Variants in CSMD3 observed in about 807,000 individuals in gnomAD.
The protein encoded by CSMD3 is CUB and sushi domain-containing protein 3.
Under a neutral mutation model 435.2 loss-of-function variants are expected in CSMD3, and 177 were observed. The observed-to-expected ratio is 0.41, with a 90% CI of 0.36 to 0.46. CSMD3 has a LOEUF of 0.46. Ranked by LOEUF, CSMD3 falls within the 20% of genes least tolerant of loss-of-function variation. The pLI is 0.34. For synonymous variants in CSMD3, 1,656 were observed against 1,520.5 expected (o/e 1.09, Z -2.07); for missense variants, 4,265 against 4,504.6 (o/e 0.95, Z 1.52).
At chr8:112,895,933 G>GT (rs2081938290) in intron 10 of CSMD3, among the ~76,000 whole-genome samples, 1 of 151,332 alleles carries the variant, frequency 6.6e-6, no homozygotes, top group Non-Finnish European at 1.5e-5. Context: ...TTGTTTGTTT[G>GT]TTTTTTCCAA....
intron 5 of CSMD3, among the ~76,000 whole-genome samples, chr8:113,068,208 C>T (rs1023044248): frequency 3.0e-4 from 45 of 152,138 alleles, no homozygotes; most frequent in Admixed American, 7.9e-4. Context: ...TTAGTGAATA[C>T]TACTGTGAAT....
At chr8:113,374,848 C>CAA (rs1491428482) in intron 1 of CSMD3, among the ~76,000 whole-genome samples, 78 of 64,622 alleles carry the variant, frequency 1.2e-3, no homozygotes, top group African/African-American at 3.7e-3. Flanking sequence ...AAAAAAAAAA[C>CAA]CAATAAAATG....
chr8:112,851,463 A>G (rs1427799609), intron 11 of CSMD3, among the ~76,000 whole-genome samples: 1 of 152,062 alleles, frequency 6.6e-6, no homozygotes, highest in Non-Finnish European at 1.5e-5. Context: ...ATACAAGGGA[A>G]TTGTGATATA....
chr8:112,591,254 A>G (rs1831166802), intron 22 of CSMD3, among the ~76,000 whole-genome samples: 1 of 152,128 alleles, frequency 6.6e-6, no homozygotes, highest in Admixed American at 6.5e-5. Context: ...CTCTTTGCTG[A>G]ATATGAAAAT....
rs942327162 is a variant in CSMD3 at position 113,131,248 on chromosome 8, A to C, written c.710-32285T>G. On this transcript the variant is annotated intron_variant, in intron 4 of 70. Transcript: ENST00000297405. ...GGAGTCAAATGTTAACAGTCAACAC[A>C]AGGGGGAAAATATCCCCAGGGCATT... Among the ~76,000 whole-genome samples, 3 of 152,118 alleles carry C rather than the reference A, an allele frequency of 2.0e-5. No individual in the cohort carries two copies. The East Asian group carries it at 5.8e-4, about 29-fold the overall frequency.
At chr8:112,760,943 A>C (rs2077823055) in intron 13 of CSMD3, among the ~76,000 whole-genome samples, 1 of 152,162 alleles carries the variant, frequency 6.6e-6, no homozygotes, top group African/African-American at 2.4e-5. Flanking sequence ...CCCTTGGAGA[A>C]GATGTGATTA....
intron 28 of CSMD3, among the ~76,000 whole-genome samples, chr8:112,515,619 T>C (rs745793732): frequency 2.9e-4 from 44 of 152,098 alleles, no homozygotes; most frequent in Non-Finnish European, 1.3e-4. Flanking sequence ...TGAATAGAAA[T>C]AGTGTAATGG....
intron 45 of CSMD3, among the ~76,000 whole-genome samples, chr8:112,332,644 C>G (rs1824177268): frequency 6.6e-6 from 1 of 152,126 alleles, no homozygotes; most frequent in African/African-American, 2.4e-5. Context: ...TCCCAAACTT[C>G]AAGTTTATTT....
At chr8:113,422,007 C>G (rs1317542099) in intron 1 of CSMD3, among the ~76,000 whole-genome samples, 1 of 152,186 alleles carries the variant, frequency 6.6e-6, no homozygotes, top group Non-Finnish European at 1.5e-5. Context: ...TCCCCAAGAG[C>G]TCAGAGGAAA....
At chr8:112,921,205 C>G (rs902085625) in intron 10 of CSMD3, among the ~76,000 whole-genome samples, 8 of 151,946 alleles carry the variant, frequency 5.3e-5, no homozygotes, top group African/African-American at 1.9e-4. Flanking sequence ...ATTAAATTAA[C>G]TAACTGTAGA....
rs372497313 is a variant in CSMD3, at chr8:112,247,090, A to G, written c.10152T>C (p.Leu3384=). 5 of 1,613,820 alleles carry G rather than the reference A, an allele frequency of 3.1e-6. No homozygotes were observed. Among genetic ancestry groups the G allele is most frequent in the Non-Finnish European group, 4.2e-6 (5 of 1,179,866 alleles). ...AGGTGCGTGTTGTAGACCCTTGGAG[A>G]AGGTGTCCTTTTTTGCAATGGAACT... ...VVQFHCKKGH[L]LQGSTTRTCL... is the part of the protein sequence containing the mutation. The change falls in exon 64 of 71, where the codon CTT becomes CTC. Residue 3384 remains leucine, a synonymous_variant. Coordinates refer to ENST00000297405, the MANE Select transcript of CSMD3 (RefSeq NM_198123.2).
intron 63 of CSMD3, 100 bp downstream of exon 63, chr8:112,254,153 G>C: frequency 1.2e-6 from 1 of 856,798 alleles, no homozygotes; most frequent in East Asian, 2.4e-5. Context: ...AATGCAGATA[G>C]AACATGACTT....
intron 63 of CSMD3, among the ~76,000 whole-genome samples, chr8:112,248,317 C>G (rs1258836975): frequency 6.6e-6 from 1 of 151,996 alleles, no homozygotes; most frequent in Non-Finnish European, 1.5e-5. Context: ...TCCGAAGGGT[C>G]TCAAATGGCA....
intron 10 of CSMD3, among the ~76,000 whole-genome samples, chr8:112,904,434 A>C (rs113970908): frequency 0.034 from 5,094 of 151,564 alleles, 147 homozygotes; most frequent in Middle Eastern, 0.051. Context: ...AATACATTTG[A>C]AAAAAGGTTT....
intron 61 of CSMD3, among the ~76,000 whole-genome samples, chr8:112,258,320 A>G (rs1816008913): frequency 6.6e-6 from 1 of 152,250 alleles, no homozygotes. Context: ...CAGTAAAATA[A>G]ACTATCATCA....
chr8:112,369,436 C>T (rs1268133986), intron 38 of CSMD3, among the ~76,000 whole-genome samples: 2 of 152,174 alleles, frequency 1.3e-5, no homozygotes, highest in East Asian at 3.9e-4. Context: ...ACATTTGGTG[C>T]AAGTAGCTTG....
intron 3 of CSMD3, among the ~76,000 whole-genome samples, chr8:113,256,848 G>C (rs1325180544): frequency 6.6e-6 from 1 of 152,286 alleles, no homozygotes; most frequent in East Asian, 1.9e-4. Context: ...TAGTGTGTAG[G>C]ATGGAAAGAT....
At chr8:112,655,338 G>A (rs955223789) in intron 18 of CSMD3, among the ~76,000 whole-genome samples, 1 of 152,024 alleles carries the variant, frequency 6.6e-6, no homozygotes, top group African/African-American at 2.4e-5. Flanking sequence ...TAAGTGTGTT[G>A]TTAGATTAAT....
At chr8:112,660,959 G>C (rs1183416186) in intron 17 of CSMD3, among the ~76,000 whole-genome samples, 1 of 152,112 alleles carries the variant, frequency 6.6e-6, no homozygotes, top group African/African-American at 2.4e-5. Context: ...GTCCAGCTTG[G>C]TGATGTCCAT....
Sources: allele counts gnomAD v4.1 joint callset (sites outside exome capture counted in the v4.1 genomes callset), GRCh38; gene constraint gnomAD v4.1.1; transcripts MANE v1.5; gene names NCBI Gene and HGNC (gene_info 2026-07-23, HGNC 2026-07-21).